The following POU6F1 variants were observed in gnomAD, a reference collection of about 807,000 sequenced individuals.
The protein encoded by POU6F1 is POU domain, class 6, transcription factor 1.
POU6F1 carries 9 observed loss-of-function variants against 28.9 expected under a neutral mutation model. The observed-to-expected ratio is 0.31, with a 90% CI of 0.19 to 0.54. The LOEUF is 0.54. Ranked by LOEUF, POU6F1 falls within the 20% of genes least tolerant of loss-of-function variation. POU6F1 has a pLI of 0.94. For synonymous variants in POU6F1, 173 were observed against 171.1 expected (o/e 1.01, Z -0.09); for missense variants, 338 against 426.1 (o/e 0.79, Z 1.82).
At position 51,196,801 on chromosome 12, in the gene POU6F1, G is replaced by A; in HGVS notation, c.973C>T (p.Gln325Ter). The A allele has an allele frequency of 6.2e-7, 1 of 1,613,934 alleles. No homozygotes were observed. The highest frequency in any genetic ancestry group is 8.5e-7 in the Non-Finnish European group (1 of 1,179,904). The change falls in exon 7 of 11, where the codon CAG (glutamine) becomes TAG (stop). Residue 325 changes from glutamine (Q) to a stop codon, truncating the protein, a stop_gained and splice_region_variant. Transcript: ENST00000333640. LOFTEE classifies it high-confidence loss of function. ...SSQILTNAQGQVIGTLPWVVN... is the reference protein window; with the variant it reads ...SSQILTNAQG ...CAGCCCTGTCTTTGGCCACTTGCCTGTCCCTGAGCATTGGTGAGGATCTGA... is the reference window on the plus strand; with the variant it reads ...CAGCCCTGTCTTTGGCCACTTGCCTATCCCTGAGCATTGGTGAGGATCTGA...
chr12:51,195,181 T>G (rs566300214), intron 8 of POU6F1, among the ~76,000 whole-genome samples: 2 of 152,322 alleles, frequency 1.3e-5, no homozygotes, highest in African/African-American at 4.8e-5. Flanking sequence ...TGGAGTGCAG[T>G]GGCTATTCAC....
chr12:51,192,904 C>CA (rs11361026), intron 8 of POU6F1, among the ~76,000 whole-genome samples: 4,505 of 110,852 alleles, frequency 0.041, 194 homozygotes, highest in African/African-American at 0.13. Context: ...GACTCCGTCT[C>CA]AAAAAAAAAA....
chr12:51,196,596 C>T (rs1042322046), intron 7 of POU6F1, among the ~76,000 whole-genome samples: 6 of 152,360 alleles, frequency 3.9e-5, no homozygotes, highest in Admixed American at 2.0e-4. Flanking sequence ...AAAACTCCCA[C>T]GTAATGTGAG....
At chr12:51,205,526 C>A (rs1943534415) in intron 2 of POU6F1, among the ~76,000 whole-genome samples, 6 of 152,242 alleles carry the variant, frequency 3.9e-5, no homozygotes. Context: ...GCACGGAAAC[C>A]CTGCCAATTG....
intron 1 of POU6F1, among the ~76,000 whole-genome samples, chr12:51,212,706 A>T (rs1944072302): frequency 7.6e-6 from 1 of 131,042 alleles, no homozygotes; most frequent in Non-Finnish European, 1.6e-5. Context: ...CTTGAACAAC[A>T]GGGAGGCAGA....
Position 51,190,814 on chromosome 12 carries a change from T to C in POU6F1, c.1491-222A>G, listed in dbSNP as rs12423352. ...GTGCCCGGTCCTAACAGGGAAACCA[T>C]TCCCACGGCCTCGGCTCAGTCAGTA... On this transcript the variant is annotated intron_variant, in intron 10 of 10. Coordinates refer to ENST00000333640, the MANE Select transcript of POU6F1 (RefSeq NM_001330422.2). The surrounding 1 kb of genome is among the most constrained non-coding windows in gnomAD (Gnocchi z 4.5). Among the ~76,000 whole-genome samples, 14,752 of 152,014 alleles carry C rather than the reference T, an allele frequency of 0.097. 877 individuals carry two copies. The highest frequency in any genetic ancestry group is 0.19 in the Admixed American group (2,935 of 15,258).
chr12:51,212,064 TTTTTTTTTTG>T (rs200494741), intron 1 of POU6F1, among the ~76,000 whole-genome samples: 11,046 of 132,222 alleles, frequency 0.084, 655 homozygotes, highest in East Asian at 0.38. Flanking sequence ...TGCCTTTCGT[TTTTTTTTTTG>T]TTTTTTTTGT....
chr12:51,201,851 T>A (rs936064144), intron 3 of POU6F1: 2 of 110,920 alleles, frequency 1.8e-5, no homozygotes, highest in Non-Finnish European at 3.8e-5. Context: ...CACCACTCAA[T>A]ATAGTTGTTT....
rs1256418145 is a variant in POU6F1, at chr12:51,187,350, T to A, written c.*2897A>T. On this transcript the variant is annotated 3_prime_UTR_variant, in exon 11 of 11. Transcript: ENST00000333640. ...TTCTGTCCATTCTCCTCTCTTTCCA[T>A]AGTAAAGACGACACTAAGCTCTGGT... The A allele has an allele frequency of 6.6e-6, 1 of 152,230 alleles. No homozygotes were observed. The highest frequency in any genetic ancestry group is 1.5e-5 in the Non-Finnish European group (1 of 68,048). 9.4% of individuals were successfully genotyped at this position (152,230 alleles called of 1,614,324 possible). A position where few individuals can be genotyped will look rare whatever the true frequency, so the allele number is the denominator to read the frequency against.
At chr12:51,215,535 G>A (rs535652484) in intron 1 of POU6F1, among the ~76,000 whole-genome samples, 11 of 122,218 alleles carry the variant, frequency 9.0e-5, no homozygotes, top group South Asian at 5.4e-4. Context: ...CAGACTGAGC[G>A]ACAGAGTGAA....
At position 51,196,852 on chromosome 12, in the gene POU6F1, T is replaced by A. The variant is rs370576673; in HGVS notation, c.922A>T (p.Ile308Phe). The stretch of plus-strand genomic sequence containing the variant: ...CTGCTGATCCCTGGCATGCTGGGAA[T>A]GGCGCTGGTAATGACTGGAGCTGTA... Reference protein sequence around the residue: ...LTTAPVITSAIPSMPGISSQI... With the variant: ...LTTAPVITSAFPSMPGISSQI... Residue 308 changes from isoleucine (I) to phenylalanine (F), a missense_variant, in exon 7 of 11, where the codon ATT (isoleucine) becomes TTT (phenylalanine). Ile to Phe is a conservative substitution (Grantham distance 21). Around this residue, in one of 3 missense-constraint regions of POU6F1, gnomAD observed 206 missense variants for 225.6 expected, o/e 0.91. Coordinates refer to ENST00000333640, the MANE Select transcript of POU6F1 (RefSeq NM_001330422.2). The A allele has an allele frequency of 1.9e-6, 3 of 1,613,942 alleles. No individual in the cohort carries two copies. The highest frequency in any genetic ancestry group is 2.5e-6 in the Non-Finnish European group (3 of 1,179,956).
Position 51,196,888 on chromosome 12 carries a change from C to T in POU6F1, c.886G>A (p.Gly296Arg). The T allele has an allele frequency of 6.2e-7, 1 of 1,612,668 alleles. No homozygotes were observed. Among genetic ancestry groups the T allele is most frequent in the Non-Finnish European group, 8.5e-7 (1 of 1,178,800 alleles). Residue 296 changes from glycine to arginine, a missense_variant, in exon 7 of 11, where the codon GGG becomes AGG. Gly to Arg is a moderately radical substitution (Grantham distance 125). This residue lies in a region of POU6F1 where 206 missense variants were observed against 225.6 expected (regional missense o/e 0.91). Transcript: ENST00000333640. ...ATGACTGGAGCTGTAGTGAGGGACC[C>T]CAGGATCTGGGTCTGTCCCCCGAGG... ...ASLGGQTQIL[G>R]SLTTAPVITS...
Position 51,199,914 on chromosome 12 carries a change from G to A in POU6F1, c.245-46C>T, listed in dbSNP as rs1222959326. On this transcript the variant is annotated intron_variant, in intron 3 of 10. Transcript: ENST00000333640. The surrounding 1 kb of genome is among the most constrained non-coding windows in gnomAD (Gnocchi z 4.1). The stretch of plus-strand genomic sequence containing the variant: ...AAGAAGGACAAGGAGTGAGCCTGAC[G>A]TGAGTGGAGGGGTCACCACAGCAGT... The A allele has an allele frequency of 1.5e-5, 6 of 399,328 alleles. No homozygotes were observed. Among genetic ancestry groups the A allele is most frequent in the South Asian group, 2.5e-4 (2 of 7,872 alleles). The allele number at this position is 399,328 out of a possible 1,614,324, so 24.7% of individuals were successfully genotyped here. A position where few individuals can be genotyped will look rare whatever the true frequency, so the allele number is the denominator to read the frequency against.
chr12:51,212,391 C>CA (rs1445647021), intron 1 of POU6F1, among the ~76,000 whole-genome samples: 3 of 151,952 alleles, frequency 2.0e-5, no homozygotes, highest in Non-Finnish European at 2.9e-5. Context: ...TGCGCCCAGC[C>CA]AAACCTTTGT....
intron 1 of POU6F1, among the ~76,000 whole-genome samples, chr12:51,209,084 C>T (rs557365664): frequency 5.3e-5 from 8 of 152,334 alleles, no homozygotes; most frequent in African/African-American, 1.9e-4. Context: ...TGTTTAAAAG[C>T]TACCCAGTTT....
intron 1 of POU6F1, among the ~76,000 whole-genome samples, chr12:51,215,694 G>C (rs578081565): frequency 3.2e-4 from 49 of 151,830 alleles, no homozygotes; most frequent in Admixed American, 3.2e-3. Flanking sequence ...AGTTTCTCCT[G>C]CATCCCACTC....
chr12:51,200,205 T>A (rs1188828277), intron 3 of POU6F1, among the ~76,000 whole-genome samples: 1 of 151,892 alleles, frequency 6.6e-6, no homozygotes, highest in East Asian at 1.9e-4. Flanking sequence ...AACAGAGGAG[T>A]CTGAAGCACA....
chr12:51,209,011 C>A (rs1943812948), intron 1 of POU6F1, among the ~76,000 whole-genome samples: 1 of 152,182 alleles, frequency 6.6e-6, no homozygotes, highest in South Asian at 2.1e-4. Context: ...TGGGTCCTCA[C>A]CAGACAACAC....
At chr12:51,191,239 T>G (rs1942384116) in intron 10 of POU6F1, among the ~76,000 whole-genome samples, 1 of 152,178 alleles carries the variant, frequency 6.6e-6, no homozygotes, top group Admixed American at 6.5e-5. Context: ...TGAGGTATGG[T>G]GGGTTACAGT....
Sources: gnomAD v4.1 joint callset for allele counts (sites outside exome capture counted in the v4.1 genomes callset) on GRCh38, gnomAD v4.1.1 for gene constraint, gnomAD v4.1.1 regional missense constraint, Gnocchi (gnomAD v3.1) non-coding constraint, MANE v1.5 for transcripts, NCBI Gene and HGNC (gene_info 2026-07-23, HGNC 2026-07-21) for gene names.